Variants in CDH13 observed in about 807,000 individuals in gnomAD.
The protein encoded by CDH13 is cadherin-13.
A neutral mutation model predicts 63.8 loss-of-function variants in CDH13; 24 were observed. The ratio of observed to expected loss-of-function variants is 0.38; its 90% CI spans 0.27 to 0.53. CDH13 has a LOEUF of 0.53. CDH13 is among the 20% of genes least tolerant of loss of function. The pLI is 0.85. For missense variants in CDH13, 1,049 were observed against 903.1 expected, an observed-to-expected ratio of 1.16 and a Z score of -2.07; for synonymous variants, 503 against 355.3, an observed-to-expected ratio of 1.42 and a Z score of -4.67.
chr16:83,601,924 C>G (rs907448517), intron 7 of CDH13, among the ~76,000 whole-genome samples: 4 of 151,646 alleles, frequency 2.6e-5, no homozygotes, highest in Admixed American at 2.0e-4. Context: ...GATACCCTGT[C>G]CCTACTAAAA....
At chr16:83,646,025 G>A (rs985376017) in intron 8 of CDH13, among the ~76,000 whole-genome samples, 5 of 152,168 alleles carry the variant, frequency 3.3e-5, no homozygotes, top group Non-Finnish European at 7.3e-5. Context: ...GCCTCGCCCC[G>A]TTGGGAGAAG....
chr16:83,378,331 G>T (rs2091493645), intron 6 of CDH13, among the ~76,000 whole-genome samples: 1 of 152,180 alleles, frequency 6.6e-6, no homozygotes, highest in South Asian at 2.1e-4. Flanking sequence ...GCTCACATGT[G>T]GCCTCCTGTT....
At chr16:82,947,108 A>G (rs1352699959) in intron 2 of CDH13, among the ~76,000 whole-genome samples, 1 of 150,996 alleles carries the variant, frequency 6.6e-6, no homozygotes, top group African/African-American at 2.4e-5. Flanking sequence ...ATTACTGTCA[A>G]TGCTAGCTAG....
intron 1 of CDH13, among the ~76,000 whole-genome samples, chr16:82,804,307 A>ACACACACG (rs2037034710): frequency 6.7e-6 from 1 of 148,232 alleles, no homozygotes; most frequent in African/African-American, 2.5e-5. Context: ...ACACACACAC[A>ACACACACG]CACACGCACA....
At chr16:83,720,453 A>C (rs1359666858) in intron 10 of CDH13, among the ~76,000 whole-genome samples, 1 of 152,020 alleles carries the variant, frequency 6.6e-6, no homozygotes, top group African/African-American at 2.4e-5. Context: ...AGCACAAGAG[A>C]TTAGGGGAAG....
intron 8 of CDH13, among the ~76,000 whole-genome samples, chr16:83,663,494 A>T (rs1913638234): frequency 6.6e-6 from 1 of 152,224 alleles, no homozygotes; most frequent in South Asian, 2.1e-4. Context: ...ACTCTCAAAC[A>T]CATGTACGTT....
At chr16:82,693,136 C>T (rs1260719599) in intron 1 of CDH13, among the ~76,000 whole-genome samples, 1 of 152,200 alleles carries the variant, frequency 6.6e-6, no homozygotes, top group African/African-American at 2.4e-5. Flanking sequence ...GGAAATGAAT[C>T]TGCCAGTTAT....
At chr16:83,089,636 G>A (rs961955040) in intron 3 of CDH13, among the ~76,000 whole-genome samples, 2 of 152,220 alleles carry the variant, frequency 1.3e-5, no homozygotes, top group Non-Finnish European at 2.9e-5. Context: ...CCTTTAGGGA[G>A]CACTCTTGGT....
intron 1 of CDH13, among the ~76,000 whole-genome samples, chr16:82,770,650 T>G (rs1258505629): frequency 6.6e-6 from 1 of 152,210 alleles, no homozygotes; most frequent in African/African-American, 2.4e-5. Context: ...CTGCATAATA[T>G]TCTTCCATTT....
At chr16:82,809,277 C>G (rs1311821182) in intron 1 of CDH13, among the ~76,000 whole-genome samples, 2 of 149,994 alleles carry the variant, frequency 1.3e-5, no homozygotes, top group African/African-American at 4.9e-5. Flanking sequence ...TCTTCAATCA[C>G]AAGTGAGTTT....
intron 4 of CDH13, among the ~76,000 whole-genome samples, chr16:83,208,225 G>A (rs1020023465): frequency 6.6e-6 from 1 of 152,200 alleles, no homozygotes; most frequent in African/African-American, 2.4e-5. Flanking sequence ...TTGGCCATGA[G>A]CTTTCCTTAG....
rs527716077 is a variant in CDH13 at position 83,182,410 on chromosome 16, C to T, written c.484-34935C>T. Among the ~76,000 whole-genome samples, 4 of 152,278 alleles carry T rather than the reference C, an allele frequency of 2.6e-5. No individual in the cohort carries two copies. In the East Asian group the frequency reaches 7.7e-4, roughly 29 times the overall value. ...CTGTCTGCCATGGGTTTGCTGTGCT[C>T]TGCTAGGGAAAATAATTCATCTTTT... On this transcript the variant is annotated intron_variant, in intron 4 of 13. Coordinates refer to ENST00000567109, the MANE Select transcript of CDH13 (RefSeq NM_001257.5).
At position 82,866,189 on chromosome 16, in the gene CDH13, A is replaced by C. The variant is rs180758764; in HGVS notation, c.157+7716A>C. 1.3e-3 allele frequency among the ~76,000 whole-genome samples: 205 copies of C among 152,128 alleles called. 1 individual carries two copies. The highest frequency in any genetic ancestry group is 6.8e-3 in the Middle Eastern group (2 of 292). On this transcript the variant is annotated intron_variant, in intron 2 of 13. Transcript: ENST00000567109. The stretch of plus-strand genomic sequence containing the variant: ...AGCATTTTGGTCAAAGCCATTTTAC[A>C]AGTCTCTGGGAAGTTCCAAACTTTC...
intron 2 of CDH13, among the ~76,000 whole-genome samples, chr16:82,926,871 G>T (rs146182792): frequency 6.6e-6 from 1 of 152,090 alleles, no homozygotes; most frequent in South Asian, 2.1e-4. Context: ...TCCAGTGTCC[G>T]GTTATAATTG....
chr16:83,684,671 C>T (rs1904286768), intron 10 of CDH13, among the ~76,000 whole-genome samples: 1 of 152,214 alleles, frequency 6.6e-6, no homozygotes, highest in Non-Finnish European at 1.5e-5. Flanking sequence ...CTTCTGCCTA[C>T]ACTTTGAATA....
chr16:82,839,972 G>A lies in CDH13; in HGVS notation c.46-18390G>A, dbSNP rs556982162. ...GAAAATATCCAAAGGACTGACTCAT[G>A]AAATTTCAAGTAATTGAACTTCTGG... On this transcript the variant is annotated intron_variant, in intron 1 of 13. Coordinates refer to ENST00000567109, the MANE Select transcript of CDH13 (RefSeq NM_001257.5). 6.6e-5 allele frequency among the ~76,000 whole-genome samples: 10 copies of A among 152,312 alleles called. No homozygotes were observed. The Middle Eastern group carries it at 0.01, about 155-fold the overall frequency.
chr16:83,220,458 T>C (rs1038161352), intron 5 of CDH13, among the ~76,000 whole-genome samples: 2 of 152,172 alleles, frequency 1.3e-5, no homozygotes, highest in African/African-American at 4.8e-5. Flanking sequence ...AGGAGAATCC[T>C]GGGTCTCCAA....
intron 8 of CDH13, among the ~76,000 whole-genome samples, chr16:83,619,092 C>A (rs1010824483): frequency 1.3e-5 from 2 of 152,240 alleles, no homozygotes; most frequent in Admixed American, 6.5e-5. Flanking sequence ...GTTTGTGTAT[C>A]ACACGTGATA....
chr16:82,860,995 C>T (rs778114223), intron 2 of CDH13, among the ~76,000 whole-genome samples: 2 of 152,118 alleles, frequency 1.3e-5, no homozygotes, highest in Admixed American at 6.5e-5. Flanking sequence ...CTCTGAAAAA[C>T]GTGATTAATC....
Sources: allele counts gnomAD v4.1 joint callset (sites outside exome capture counted in the v4.1 genomes callset), GRCh38; gene constraint gnomAD v4.1.1; transcripts MANE v1.5; gene names NCBI Gene and HGNC (gene_info 2026-07-23, HGNC 2026-07-21).